FUT8: variants seen among roughly 807,000 people sequenced by gnomAD.
The protein encoded by FUT8 is fucosyltransferase 8, also known as alpha-(1,6)-fucosyltransferase.
In FUT8, 29 loss-of-function variants were observed where a neutral mutation model predicts 71.3. The ratio of observed to expected loss-of-function variants is 0.41; its 90% CI spans 0.30 to 0.55. The LOEUF (loss-of-function observed/expected upper bound fraction) is 0.55, where lower values mean the gene tolerates loss of function less well. Among genes scored for constraint, FUT8 ranks in the 20% least tolerant of loss-of-function variants. FUT8 has a pLI of 0.34. For synonymous variants in FUT8, 254 were observed against 239.3 expected (o/e 1.06, Z -0.57); for missense variants, 544 against 702.1 (o/e 0.77, Z 2.55).
At chr14:65,653,766 G>A (rs1441921192) in intron 6 of FUT8, among the ~76,000 whole-genome samples, 1 of 152,206 alleles carries the variant, frequency 6.6e-6, no homozygotes, top group Non-Finnish European at 1.5e-5. Context: ...TCAAACTCCT[G>A]ACCTCAAACA....
chr14:65,594,671 C>T (rs182153785), intron 3 of FUT8, among the ~76,000 whole-genome samples: 5 of 152,162 alleles, frequency 3.3e-5, no homozygotes, highest in East Asian at 3.9e-4. Flanking sequence ...TTTATTGAGT[C>T]GTGAAAGCAG....
intron 7 of FUT8, among the ~76,000 whole-genome samples, chr14:65,671,643 A>G (rs924603454): frequency 1.3e-5 from 2 of 152,222 alleles, no homozygotes; most frequent in African/African-American, 4.8e-5. Flanking sequence ...AGGCACAGAA[A>G]CTGCCTGGAA....
intron 2 of FUT8, among the ~76,000 whole-genome samples, chr14:65,486,515 T>G (rs2066411425): frequency 6.6e-6 from 1 of 152,200 alleles, no homozygotes; most frequent in Non-Finnish European, 1.5e-5. Context: ...GAAGAAGTCT[T>G]TAAGTCATGG....
At chr14:65,451,254 C>T (rs940273858) in intron 1 of FUT8, among the ~76,000 whole-genome samples, 8 of 152,226 alleles carry the variant, frequency 5.3e-5, no homozygotes, top group African/African-American at 1.2e-4. Context: ...GCTGCTTTGG[C>T]GCCAGAGGGC....
chr14:65,382,548 C>T, the FUT8 span, among the ~76,000 whole-genome samples: 1 of 152,116 alleles, frequency 6.6e-6, no homozygotes, highest in African/African-American at 2.4e-5. Flanking sequence ...CCACCTTGGC[C>T]AGGCTGGTCT....
At chr14:65,535,371 G>A (rs1194783960) in intron 2 of FUT8, among the ~76,000 whole-genome samples, 1 of 152,146 alleles carries the variant, frequency 6.6e-6, no homozygotes, top group Non-Finnish European at 1.5e-5. Context: ...AAAGTGCTGG[G>A]ATTACAGGTG....
chr14:65,590,052 AAC>A (rs1257208215), intron 3 of FUT8, among the ~76,000 whole-genome samples: 1 of 152,210 alleles, frequency 6.6e-6, no homozygotes, highest in Non-Finnish European at 1.5e-5. Flanking sequence ...AGGGGAAAGA[AAC>A]AGAAAGATAC....
At chr14:65,462,082 T>G (rs2065976957) in intron 2 of FUT8, among the ~76,000 whole-genome samples, 2 of 152,224 alleles carry the variant, frequency 1.3e-5, no homozygotes, top group African/African-American at 4.8e-5. Context: ...AAATGATCTT[T>G]AAGACATTTC....
At chr14:65,653,825 C>G (rs1435911211) in intron 6 of FUT8, among the ~76,000 whole-genome samples, 1 of 152,148 alleles carries the variant, frequency 6.6e-6, no homozygotes, top group Non-Finnish European at 1.5e-5. Flanking sequence ...GGCTTTGAAC[C>G]AGATTTAAAA....
intron 1 of FUT8, among the ~76,000 whole-genome samples, chr14:65,422,683 T>A (rs1160506371): frequency 1.3e-5 from 2 of 151,876 alleles, no homozygotes; most frequent in African/African-American, 4.8e-5. Flanking sequence ...TATTTTTTAT[T>A]TTTTTGTAGA....
chr14:65,514,211 G>T (rs978029398), intron 2 of FUT8, among the ~76,000 whole-genome samples: 4 of 78,990 alleles, frequency 5.1e-5, no homozygotes, highest in African/African-American at 1.5e-4. Context: ...TACCAAGATC[G>T]GTTGGGCAGT....
chr14:65,500,695 CCTAATTTCT>C (rs1774130382), intron 2 of FUT8, among the ~76,000 whole-genome samples: 1 of 151,988 alleles, frequency 6.6e-6, no homozygotes, highest in Non-Finnish European at 1.5e-5. Context: ...TTGGACTTTC[CCTAATTTCT>C]CAATAGTCTC....
chr14:65,660,769 T>G lies in FUT8; in HGVS notation c.598-8474T>G, dbSNP rs879136970. ...TGGCTTTTAAAAGTGAGCATGCTTT[T>G]TAATTGCCTCTTTCATGGTTATTAA... On this transcript the variant is annotated intron_variant, in intron 6 of 10. Transcript: ENST00000673929. This position sits in a 1 kb window ranked among gnomAD's most constrained non-coding sequence, Gnocchi z 4.1. Among the ~76,000 whole-genome samples the G allele has an allele frequency of 6.6e-6, 1 of 152,218 alleles. No individual in the cohort carries two copies. The highest frequency in any genetic ancestry group is 6.5e-5 in the Admixed American group (1 of 15,284).
intron 2 of FUT8, among the ~76,000 whole-genome samples, chr14:65,502,521 G>A (rs977767175): frequency 2.0e-5 from 3 of 152,202 alleles, no homozygotes; most frequent in South Asian, 2.1e-4. Flanking sequence ...CACCGTGCCC[G>A]GCCCGGGTCC....
intron 2 of FUT8, among the ~76,000 whole-genome samples, chr14:65,484,514 A>G (rs780534791): frequency 3.3e-5 from 5 of 151,628 alleles, no homozygotes; most frequent in African/African-American, 4.8e-5. Context: ...TGTTTTTTTT[A>G]AAGTTTTTTA....
chr14:65,428,423 A>C (rs2073323903), intron 1 of FUT8, among the ~76,000 whole-genome samples: 1 of 152,162 alleles, frequency 6.6e-6, no homozygotes, highest in South Asian at 2.1e-4. Flanking sequence ...AAGAGGCCTG[A>C]GGGAGCTTGA....
At chr14:65,437,992 T>C (rs2065586653) in intron 1 of FUT8, among the ~76,000 whole-genome samples, 1 of 152,230 alleles carries the variant, frequency 6.6e-6, no homozygotes, top group Non-Finnish European at 1.5e-5. Context: ...CATACCTCTG[T>C]ATAGTAAAGA....
intron 9 of FUT8, 73 bp downstream of exon 9, chr14:65,724,396 A>C: frequency 1.1e-6 from 1 of 920,736 alleles, no homozygotes; most frequent in South Asian, 1.9e-5. Flanking sequence ...ACTTCCCATG[A>C]CTTGTGATTT....
At chr14:65,396,532 A>T in the FUT8 span, among the ~76,000 whole-genome samples, 1 of 152,218 alleles carries the variant, frequency 6.6e-6, no homozygotes, top group Non-Finnish European at 1.5e-5. This position sits in a 1 kb window ranked among gnomAD's most constrained non-coding sequence, Gnocchi z 5.5. Context: ...CTACCACAAG[A>T]ACAGTACAGG....
Sources: allele counts gnomAD v4.1 joint callset (sites outside exome capture counted in the v4.1 genomes callset), GRCh38; gene constraint gnomAD v4.1.1; non-coding constraint Gnocchi (gnomAD v3.1); transcripts MANE v1.5; gene names NCBI Gene and HGNC (gene_info 2026-07-23, HGNC 2026-07-21).